TECPR2: variants seen among roughly 807,000 people sequenced by gnomAD.
The protein encoded by TECPR2 is tectonin beta-propeller repeat-containing protein 2.
TECPR2 carries 65 observed loss-of-function variants against 138.1 expected under a neutral mutation model. The observed-to-expected ratio is 0.47, with a 90% CI of 0.39 to 0.58. The LOEUF (loss-of-function observed/expected upper bound fraction) is 0.58. Ranked by LOEUF, TECPR2 falls within the 20% of genes least tolerant of loss-of-function variation. The pLI is 0.00. For synonymous variants in TECPR2, 746 were observed against 749.8 expected (o/e 0.99, Z 0.08); for missense variants, 1,553 against 1,824.5 (o/e 0.85, Z 2.71).
rs1889902012 is a variant in TECPR2, at chr14:102,443,897, A to G, written c.2933+70A>G. Reference sequence around the variant, plus strand: ...CCTTCGTTCTTGTCCACTTGACACCACAAGGCACCATGAGGCCGTTCCTGG... The same window carrying G: ...CCTTCGTTCTTGTCCACTTGACACCGCAAGGCACCATGAGGCCGTTCCTGG... On this transcript the variant is annotated intron_variant, in intron 12 of 19. Transcript: ENST00000359520. The surrounding 1 kb of genome is among the most constrained non-coding windows in gnomAD (Gnocchi z 4.9). 2.1e-6 allele frequency: 3 copies of G among 1,410,698 alleles called. No individual in the cohort carries two copies. Among genetic ancestry groups the G allele is most frequent in the African/African-American group, 1.4e-5 (1 of 70,406 alleles). The allele number at this position is 1,410,698 out of a possible 1,614,324, so 87.4% of individuals were successfully genotyped here.
intron 16 of TECPR2, among the ~76,000 whole-genome samples, chr14:102,456,590 CTTTT>C (rs532308547): frequency 0.043 from 5,977 of 138,120 alleles, 140 homozygotes; most frequent in Middle Eastern, 0.093. Flanking sequence ...CCCTCTCGCT[CTTTT>C]TTTTTTTTTT....
chr14:102,377,567 G>A (rs925403573), intron 2 of TECPR2, among the ~76,000 whole-genome samples: 5 of 152,110 alleles, frequency 3.3e-5, no homozygotes, highest in Non-Finnish European at 5.9e-5. Context: ...TTAGCTGGGC[G>A]TGGTGGCATG....
chr14:102,486,422 C>T (rs897771311), intron 17 of TECPR2, among the ~76,000 whole-genome samples: 1 of 152,236 alleles, frequency 6.6e-6, no homozygotes, highest in Non-Finnish European at 1.5e-5. Context: ...ACCTCATCCT[C>T]CTGAGTACCT....
At position 102,459,197 on chromosome 14, in the gene TECPR2, C is replaced by T. The variant is rs982041515; in HGVS notation, c.3641-5944C>T. 8.5e-5 allele frequency among the ~76,000 whole-genome samples: 13 copies of T among 152,076 alleles called. No individual in the cohort carries two copies. In the South Asian group the frequency reaches 1.0e-3, roughly 12 times the overall value. ...GCTCCCACATCAGCCTCCCAAAGTG[C>T]GGGGATTACAACTGCATGCAGCTGC... On this transcript the variant is annotated intron_variant, in intron 16 of 19. Coordinates refer to ENST00000359520, the MANE Select transcript of TECPR2 (RefSeq NM_014844.5).
chr14:102,471,203 C>T (rs1293095486), intron 17 of TECPR2, among the ~76,000 whole-genome samples: 2 of 152,022 alleles, frequency 1.3e-5, no homozygotes, highest in African/African-American at 2.4e-5. Flanking sequence ...CTTCCCACCT[C>T]GGCCTCCCAA....
intron 16 of TECPR2, among the ~76,000 whole-genome samples, chr14:102,453,372 CA>C (rs1300492988): frequency 1.3e-5 from 2 of 151,442 alleles, no homozygotes; most frequent in African/African-American, 4.9e-5. Flanking sequence ...CTCAGCTACT[CA>C]GGAGGCTGAG....
intron 10 of TECPR2, among the ~76,000 whole-genome samples, chr14:102,439,727 G>A (rs1889779052): frequency 6.6e-6 from 1 of 152,238 alleles, no homozygotes; most frequent in Non-Finnish European, 1.5e-5. Context: ...CCTTGTGCCG[G>A]GGGCACCACA....
chr14:102,443,236 A>T lies in TECPR2; in HGVS notation c.2753-411A>T, dbSNP rs1194690639. 6.6e-6 allele frequency among the ~76,000 whole-genome samples: 1 copy of T among 152,238 alleles called. No individual in the cohort carries two copies. The highest frequency in any genetic ancestry group is 1.5e-5 in the Non-Finnish European group (1 of 68,038). On this transcript the variant is annotated intron_variant, in intron 11 of 19. Transcript: ENST00000359520. The surrounding 1 kb of genome is among the most constrained non-coding windows in gnomAD (Gnocchi z 4.9). Reference sequence around the variant, plus strand: ...TTGTGTTCTTCTCTTAGAACTTCTTAAGCTACATTGGGACACCAGATAATT... The same window carrying T: ...TTGTGTTCTTCTCTTAGAACTTCTTTAGCTACATTGGGACACCAGATAATT...
In TECPR2 at chr14:102,498,124, G is replaced by T; in HGVS notation, c.4103G>T (p.Trp1368Leu). The T allele has an allele frequency of 6.2e-7, 1 of 1,613,374 alleles. No individual in the cohort carries two copies. The change falls in exon 20 of 20, where the codon TGG becomes TTG. Residue 1368 changes from tryptophan (W) to leucine (L), a missense_variant. Physicochemically the swap from Trp to Leu is moderately conservative, Grantham distance 61. Coordinates refer to ENST00000359520, the MANE Select transcript of TECPR2 (RefSeq NM_014844.5). ...CFTVTASDEL[W>L]AVGPPGYLLQ... ...GCAGTGACTGCGTCAGATGAGCTGT[G>T]GGCTGTGGGCCCGCCCGGCTACCTC...
intron 1 of TECPR2, among the ~76,000 whole-genome samples, chr14:102,366,293 T>A (rs931764727): frequency 6.6e-6 from 1 of 152,164 alleles, no homozygotes; most frequent in Non-Finnish European, 1.5e-5. Context: ...TGGTGTTTTG[T>A]ATTTTTTTAA....
At chr14:102,405,921 A>G (rs1007615335) in intron 2 of TECPR2, among the ~76,000 whole-genome samples, 1 of 152,212 alleles carries the variant, frequency 6.6e-6, no homozygotes, top group Admixed American at 6.5e-5. Flanking sequence ...GAGATAAGCC[A>G]GTCAGAAAAA....
chr14:102,498,283 G>A lies in TECPR2; in HGVS notation c.*26G>A, dbSNP rs1891347703. The A allele has an allele frequency of 5.7e-6, 9 of 1,586,938 alleles. No homozygotes were observed. Among genetic ancestry groups the A allele is most frequent in the Non-Finnish European group, 6.0e-6 (7 of 1,174,394 alleles). On this transcript the variant is annotated 3_prime_UTR_variant, in exon 20 of 20. Coordinates refer to ENST00000359520, the MANE Select transcript of TECPR2 (RefSeq NM_014844.5). ...AGGAGCCCTGGCCGAGTCACGCGGA[G>A]GGGCCCGGCGTCTGTGGCGGGCACA...
intron 2 of TECPR2, among the ~76,000 whole-genome samples, chr14:102,396,570 C>T (rs1329314128): frequency 2.0e-5 from 3 of 152,036 alleles, no homozygotes; most frequent in African/African-American, 7.2e-5. Context: ...GAGGGAGCAC[C>T]AGTCATCTGT....
intron 9 of TECPR2, chr14:102,437,272 C>T: frequency 1.2e-6 from 1 of 867,180 alleles, no homozygotes; most frequent in Non-Finnish European, 1.4e-6. Context: ...CAAGGTCGGG[C>T]ACAGTGGCTC....
intron 17 of TECPR2, among the ~76,000 whole-genome samples, chr14:102,478,994 G>C (rs1890826677): frequency 6.7e-6 from 1 of 148,978 alleles, no homozygotes; most frequent in Non-Finnish European, 1.5e-5. Flanking sequence ...TCCAGCCTGG[G>C]CGAAAGAGTA....
intron 2 of TECPR2, among the ~76,000 whole-genome samples, chr14:102,399,752 A>G (rs2139684083): frequency 6.6e-6 from 1 of 151,854 alleles, no homozygotes; most frequent in South Asian, 2.1e-4. Context: ...AATCGCTTGA[A>G]CCCAGGAGGT....
chr14:102,444,145 A>T (rs79416987), intron 12 of TECPR2, among the ~76,000 whole-genome samples: 1,572 of 151,498 alleles, frequency 0.01, 29 homozygotes, highest in African/African-American at 0.036. Context: ...CTTAGGTCCA[A>T]ATATTTTTCT....
chr14:102,393,645 G>T (rs575047084), intron 2 of TECPR2, among the ~76,000 whole-genome samples: 3 of 151,986 alleles, frequency 2.0e-5, no homozygotes, highest in African/African-American at 7.2e-5. Context: ...TGCAACCTCC[G>T]CCTCCCAGGC....
intron 5 of TECPR2, among the ~76,000 whole-genome samples, chr14:102,416,770 G>A (rs1889036137): frequency 6.6e-6 from 1 of 152,168 alleles, no homozygotes; most frequent in Admixed American, 6.5e-5. Flanking sequence ...GGTCACTTGA[G>A]GTCAGGAGTT....
Sources: gnomAD v4.1 joint callset for allele counts (sites outside exome capture counted in the v4.1 genomes callset) on GRCh38, gnomAD v4.1.1 for gene constraint, Gnocchi (gnomAD v3.1) non-coding constraint, MANE v1.5 for transcripts, NCBI Gene and HGNC (gene_info 2026-07-23, HGNC 2026-07-21) for gene names.